Variants in RTL9 observed in about 807,000 individuals in gnomAD.
RTL9 encodes retrotransposon Gag like 9, also known as retrotransposon Gag-like protein 9.
Under a neutral mutation model 44.7 loss-of-function variants are expected in RTL9, and 19 were observed. That is an observed-to-expected ratio of 0.42 (90% CI 0.30 to 0.62). The LOEUF (loss-of-function observed/expected upper bound fraction) is 0.62. Among genes scored for constraint, RTL9 ranks in the 20% least tolerant of loss-of-function variants. The pLI is 0.16. For synonymous variants in RTL9, 407 were observed against 398.9 expected (o/e 1.02, Z -0.24); for missense variants, 1,105 against 1,080.6 (o/e 1.02, Z -0.32).
At chrX:110,425,397 G>A (rs2068746397) in intron 1 of RTL9, among the ~76,000 whole-genome samples, 1 of 112,821 alleles carries the variant, frequency 8.9e-6, no homozygotes, top group Admixed American at 9.3e-5. Context: ...CCTAGAGACA[G>A]CCTGTGTTGC....
At chrX:110,391,572 A>C (rs1280850847) in intron 1 of RTL9, among the ~76,000 whole-genome samples, 4 of 111,950 alleles carry the variant, frequency 3.6e-5, no homozygotes, top group Non-Finnish European at 7.5e-5. Flanking sequence ...CTACGACTCT[A>C]TGGCAGTGGC....
chrX:110,370,995 C>T (rs2068334637), intron 1 of RTL9, among the ~76,000 whole-genome samples: 1 of 111,814 alleles, frequency 8.9e-6, no homozygotes, highest in South Asian at 3.8e-4. Context: ...ATCTCAAATA[C>T]CCCTTAAGAT....
At chrX:110,372,435 T>G (rs2068345763) in intron 1 of RTL9, among the ~76,000 whole-genome samples, 2 of 112,235 alleles carry the variant, frequency 1.8e-5, no homozygotes, top group African/African-American at 6.5e-5. Flanking sequence ...AGTATCTTTT[T>G]ATGCACATAA....
At chrX:110,432,534 G>A (rs1001345615) in intron 1 of RTL9, among the ~76,000 whole-genome samples, 1 of 111,995 alleles carries the variant, frequency 8.9e-6, no homozygotes, top group Non-Finnish European at 1.9e-5. Context: ...GAGTGTACAT[G>A]CATGTGTATG....
At chrX:110,454,752 T>C (rs1489532684) in intron 1 of RTL9, 88 bp downstream of exon 3, 15 of 842,401 alleles carry the variant, frequency 1.8e-5, no homozygotes, top group Non-Finnish European at 2.5e-5. Context: ...TTGAGTAGAA[T>C]TGGGAAGAGG....
At chrX:110,396,810 G>T (rs1213183478) in intron 1 of RTL9, among the ~76,000 whole-genome samples, 6 of 112,098 alleles carry the variant, frequency 5.4e-5, no homozygotes, top group Non-Finnish European at 7.5e-5. Flanking sequence ...AGGGACTCGT[G>T]TCCTGGGGAC....
At chrX:110,454,100 A>G (rs774352182) in exon 1 of RTL9, 14 of 1,210,581 alleles carry the variant, frequency 1.2e-5, no homozygotes, top group African/African-American at 1.7e-5. Context: ...CCCGGGGCTC[A>G]TGCTCTGTGG....
intron 1 of RTL9, among the ~76,000 whole-genome samples, chrX:110,384,221 C>T (rs1206992618): frequency 1.8e-5 from 2 of 110,902 alleles, no homozygotes; most frequent in African/African-American, 6.6e-5. Context: ...TACTTTCTCC[C>T]CCATAGTGCC....
At chrX:110,408,013 C>T (rs1046901853) in intron 1 of RTL9, among the ~76,000 whole-genome samples, 3 of 112,284 alleles carry the variant, frequency 2.7e-5, no homozygotes, top group East Asian at 5.6e-4. Flanking sequence ...TGGCATATGC[C>T]GCAAAATGCA....
chrX:110,420,646 C>G (rs1248757862), intron 1 of RTL9, among the ~76,000 whole-genome samples: 1 of 112,123 alleles, frequency 8.9e-6, no homozygotes, highest in Non-Finnish European at 1.9e-5. Context: ...CAGAATGAGG[C>G]AGGGTGTGGG....
chrX:110,369,080 C>T (rs1442969334), intron 1 of RTL9, among the ~76,000 whole-genome samples: 1 of 112,099 alleles, frequency 8.9e-6, no homozygotes, highest in Non-Finnish European at 1.9e-5. Context: ...CGCCTGTAAT[C>T]CCAGCACTTT....
chrX:110,374,641 G>A (rs1406559633), intron 1 of RTL9, among the ~76,000 whole-genome samples: 2 of 112,021 alleles, frequency 1.8e-5, no homozygotes, highest in African/African-American at 6.5e-5. Context: ...ATCACTGAGA[G>A]CTAGAGCTGT....
At chrX:110,436,682 C>T (rs1000682331) in intron 1 of RTL9, among the ~76,000 whole-genome samples, 1 of 111,491 alleles carries the variant, frequency 9.0e-6, no homozygotes, top group African/African-American at 3.3e-5. Context: ...CTCTGTATCC[C>T]CAGGAGAGGA....
exon 1 of RTL9, chrX:110,450,910 G>A: frequency 8.3e-7 from 1 of 1,211,593 alleles, no homozygotes; most frequent in East Asian, 3.0e-5. Flanking sequence ...TCAGACTCTG[G>A]GGCACTTTCC....
upstream of RTL9, chrX:110,450,556 CTTG>C (rs2068932818): frequency 9.7e-7 from 1 of 1,031,759 alleles, no homozygotes; most frequent in East Asian, 3.1e-5. Flanking sequence ...AAACTTGTTT[CTTG>C]TTTACAGATT....
intron 1 of RTL9, among the ~76,000 whole-genome samples, chrX:110,444,556 C>T (rs1480007982): frequency 1.8e-5 from 2 of 112,315 alleles, no homozygotes; most frequent in African/African-American, 6.5e-5. Context: ...GAGGTTATTT[C>T]CTTCTCTTTT....
exon 1 of RTL9, chrX:110,453,423 A>G: frequency 1.7e-6 from 2 of 1,211,593 alleles, no homozygotes; most frequent in Non-Finnish European, 2.2e-6. Context: ...CTCTGGACAT[A>G]TGTCCACTGC....
At position 110,453,452 on chromosome X, in the gene RTL9, C is replaced by T. The variant is rs753749038; in HGVS notation, c.2835C>T (p.Val945=). The T allele has an allele frequency of 9.9e-6, 12 of 1,210,081 alleles. No individual in the cohort carries two copies. In the African/African-American group the frequency reaches 1.6e-4, roughly 16 times the overall value. The change falls in exon 1 of 2, where the codon GTC becomes GTT. Residue 945 remains valine, a synonymous_variant. Coordinates refer to ENST00000540313, the Ensembl canonical transcript of RTL9. ...CCACTGCACAAACAACAGCCATGGT[C>T]TCTGGAGGGATGTCCAAGCCATTAA...
intron 1 of RTL9, among the ~76,000 whole-genome samples, chrX:110,432,556 G>A (rs926617665): frequency 5.4e-5 from 6 of 112,044 alleles, no homozygotes; most frequent in South Asian, 3.8e-4. Flanking sequence ...ACCTGTGAGC[G>A]TGGCACCTCA....
Sources: gnomAD v4.1 joint callset for allele counts (sites outside exome capture counted in the v4.1 genomes callset) on GRCh38, gnomAD v4.1.1 for gene constraint, MANE v1.5 for transcripts, NCBI Gene and HGNC (gene_info 2026-07-23, HGNC 2026-07-21) for gene names.